The following TLL1 variants were observed in gnomAD, a reference collection of about 807,000 sequenced individuals.
TLL1 encodes tolloid-like protein 1.
In TLL1, 49 loss-of-function variants were observed where a neutral mutation model predicts 128.2. The observed-to-expected ratio is 0.38, with a 90% confidence interval of 0.30 to 0.48. TLL1 has a LOEUF of 0.48. Among genes scored for constraint, TLL1 ranks in the 20% least tolerant of loss-of-function variants. The pLI, the probability that TLL1 is intolerant of heterozygous loss-of-function variation, is 0.96. For missense variants in TLL1, 1,123 were observed against 1,242.0 expected (o/e 0.90, Z 1.44); for synonymous variants, 454 against 418.8 (o/e 1.08, Z -1.03).
chr4:166,069,946 G>C (rs540914990), intron 16 of TLL1, among the ~76,000 whole-genome samples: 1 of 151,784 alleles, frequency 6.6e-6, no homozygotes, highest in East Asian at 1.9e-4. Context: ...TAATATTAAA[G>C]CAAATAAAGA....
intron 1 of TLL1, among the ~76,000 whole-genome samples, chr4:165,884,922 A>G (rs1731105698): frequency 6.6e-6 from 1 of 152,156 alleles, no homozygotes; most frequent in African/African-American, 2.4e-5. Flanking sequence ...GTAGAGCACA[A>G]TTCTGTTCTT....
At chr4:165,953,830 A>G (rs1734656213) in intron 1 of TLL1, among the ~76,000 whole-genome samples, 1 of 152,048 alleles carries the variant, frequency 6.6e-6, no homozygotes, top group Non-Finnish European at 1.5e-5. Flanking sequence ...TATAATTGAA[A>G]TTATAATTAC....
intron 1 of TLL1, among the ~76,000 whole-genome samples, chr4:165,936,198 A>G (rs1185734934): frequency 6.9e-6 from 1 of 143,968 alleles, no homozygotes; most frequent in Non-Finnish European, 1.5e-5. Context: ...CTTCATATAT[A>G]TATATATATT....
At chr4:166,093,482 A>G (rs1741875031) in intron 19 of TLL1, among the ~76,000 whole-genome samples, 1 of 152,196 alleles carries the variant, frequency 6.6e-6, no homozygotes, top group Admixed American at 6.5e-5. Flanking sequence ...GCCTCCTGCC[A>G]TAGGGCGGTT....
chr4:165,933,699 G>C (rs1733635422), intron 1 of TLL1, among the ~76,000 whole-genome samples: 1 of 152,088 alleles, frequency 6.6e-6, no homozygotes, highest in South Asian at 2.1e-4. Flanking sequence ...TAGAATAGCA[G>C]CCCTGTCTTT....
At chr4:166,078,370 A>G (rs1447501718) in intron 18 of TLL1, among the ~76,000 whole-genome samples, 1 of 152,230 alleles carries the variant, frequency 6.6e-6, no homozygotes, top group Non-Finnish European at 1.5e-5. Flanking sequence ...GGAATTTGCC[A>G]GAAAGCGATA....
intron 1 of TLL1, among the ~76,000 whole-genome samples, chr4:165,906,747 C>T (rs1732274784): frequency 6.7e-6 from 1 of 149,598 alleles, no homozygotes; most frequent in Non-Finnish European, 1.5e-5. Flanking sequence ...TAAATTGTCT[C>T]TTTGAATTAG....
intron 1 of TLL1, among the ~76,000 whole-genome samples, chr4:165,902,622 G>A (rs1175241165): frequency 6.6e-6 from 1 of 152,134 alleles, no homozygotes; most frequent in Non-Finnish European, 1.5e-5. Context: ...CAGTCCCAGT[G>A]AGATGAGCTG....
At chr4:166,090,760 A>G (rs892674020) in intron 18 of TLL1, among the ~76,000 whole-genome samples, 7 of 152,014 alleles carry the variant, frequency 4.6e-5, no homozygotes, top group Non-Finnish European at 7.4e-5. Context: ...TGATTATCAA[A>G]CCCAGAAGGA....
chr4:165,882,641 C>T (rs142827218), intron 1 of TLL1, among the ~76,000 whole-genome samples: 17 of 152,018 alleles, frequency 1.1e-4, no homozygotes, highest in Middle Eastern at 3.4e-3. Context: ...TTTTTTGAGA[C>T]GGGTTTTGCT....
chr4:165,895,633 T>TAAAAAAAAAAAA (rs57920393), intron 1 of TLL1, among the ~76,000 whole-genome samples: 16 of 68,444 alleles, frequency 2.3e-4, no homozygotes, highest in African/African-American at 1.5e-3. Context: ...AGACTTTTTG[T>TAAAAAAAAAAAA]AAAAAAAAAA....
chr4:166,009,419 A>G (rs1737579771), intron 7 of TLL1, among the ~76,000 whole-genome samples: 1 of 151,442 alleles, frequency 6.6e-6, no homozygotes, highest in South Asian at 2.1e-4. Context: ...ATAAATCTTT[A>G]GCAAAGTTCT....
intron 5 of TLL1, among the ~76,000 whole-genome samples, chr4:165,996,697 C>T (rs970823747): frequency 3.3e-5 from 5 of 151,934 alleles, no homozygotes; most frequent in African/African-American, 7.3e-5. Context: ...TTTTCTTTTA[C>T]GTTAGAAGAT....
intron 5 of TLL1, among the ~76,000 whole-genome samples, chr4:166,002,336 A>T (rs986023886): frequency 6.6e-6 from 1 of 152,176 alleles, no homozygotes; most frequent in African/African-American, 2.4e-5. Flanking sequence ...ATCAGGTTTC[A>T]ACATGTGAAT....
At chr4:165,955,466 G>C (rs1421486877) in intron 1 of TLL1, among the ~76,000 whole-genome samples, 1 of 151,920 alleles carries the variant, frequency 6.6e-6, no homozygotes, top group African/African-American at 2.4e-5. Flanking sequence ...TGCATAAAAT[G>C]ATTCATTTAA....
At chr4:166,089,076 C>G (rs28631274) in intron 18 of TLL1, among the ~76,000 whole-genome samples, 2 of 152,092 alleles carry the variant, frequency 1.3e-5, no homozygotes, top group Admixed American at 6.6e-5. Flanking sequence ...GTTCTTTGCT[C>G]TTTATATTTA....
chr4:165,957,617 A>G (rs975637247), intron 1 of TLL1, among the ~76,000 whole-genome samples: 2 of 151,582 alleles, frequency 1.3e-5, no homozygotes, highest in South Asian at 2.1e-4. Context: ...CCCGAGCTGT[A>G]TACACTGCAC....
chr4:166,043,215 A>C, intron 11 of TLL1, 59 bp from the exon 12 acceptor site: 1 of 1,611,558 alleles, frequency 6.2e-7, no homozygotes, highest in Non-Finnish European at 8.5e-7. Flanking sequence ...CTAGAAGAAA[A>C]TGAAAATGAA....
intron 8 of TLL1, among the ~76,000 whole-genome samples, chr4:166,019,894 A>G (rs1208327003): frequency 2.0e-5 from 3 of 152,154 alleles, no homozygotes; most frequent in Non-Finnish European, 4.4e-5. Flanking sequence ...TGAAACCACA[A>G]TTAGTTATTA....
Sources: gnomAD v4.1 joint callset for allele counts (sites outside exome capture counted in the v4.1 genomes callset) on GRCh38, gnomAD v4.1.1 for gene constraint, MANE v1.5 for transcripts, NCBI Gene and HGNC (gene_info 2026-07-23, HGNC 2026-07-21) for gene names.